SBF2: variants seen among roughly 807,000 people sequenced by gnomAD.
The protein encoded by SBF2 is myotubularin-related protein 13.
A neutral mutation model predicts 225.2 loss-of-function variants in SBF2; 112 were observed. The ratio of observed to expected loss-of-function variants is 0.50; its 90% CI spans 0.43 to 0.58. The LOEUF is 0.58. SBF2 is among the 20% of genes least tolerant of loss of function. The pLI is 0.00. For missense variants in SBF2, 1,996 were observed against 2,206.2 expected, an observed-to-expected ratio of 0.90 and a Z score of 1.91; for synonymous variants, 763 against 773.3, an observed-to-expected ratio of 0.99 and a Z score of 0.22.
chr11:9,930,904 C>T (rs1287443151), intron 16 of SBF2, among the ~76,000 whole-genome samples: 1 of 152,256 alleles, frequency 6.6e-6, no homozygotes, highest in Non-Finnish European at 1.5e-5. Flanking sequence ...CCAAATACTG[C>T]ACTTTTACCA....
chr11:9,967,810 G>A (rs1434188807), intron 14 of SBF2, among the ~76,000 whole-genome samples: 1 of 151,998 alleles, frequency 6.6e-6, no homozygotes, highest in Non-Finnish European at 1.5e-5. Flanking sequence ...AGCTACTCAG[G>A]AGGTTGAGGC....
At chr11:10,298,370 A>G (rs917860500), upstream of SBF2, among the ~76,000 whole-genome samples, 3 of 152,246 alleles carry the variant, frequency 2.0e-5, no homozygotes, top group Non-Finnish European at 2.9e-5. Flanking sequence ...CAGCCTGGGC[A>G]ACAAGAGTGA....
At chr11:9,857,834 AT>A (rs1185437746) in intron 18 of SBF2, among the ~76,000 whole-genome samples, 9 of 152,198 alleles carry the variant, frequency 5.9e-5, no homozygotes, top group African/African-American at 2.2e-4. Flanking sequence ...TATTACTGGC[AT>A]TTTTTTAATA....
At chr11:9,848,979 G>A (rs1233697888) in intron 22 of SBF2, among the ~76,000 whole-genome samples, 1 of 152,186 alleles carries the variant, frequency 6.6e-6, no homozygotes, top group Non-Finnish European at 1.5e-5. Context: ...TCCAACCAAT[G>A]AGTAGCACAT....
intron 2 of SBF2, among the ~76,000 whole-genome samples, chr11:10,135,564 A>G (rs115078489): frequency 0.074 from 11,326 of 152,196 alleles, 615 homozygotes; most frequent in East Asian, 0.28. Flanking sequence ...CTGCTTATAA[A>G]TTTCTTCTCC....
chr11:9,972,315 T>C (rs888415390), intron 13 of SBF2, among the ~76,000 whole-genome samples: 2 of 152,160 alleles, frequency 1.3e-5, no homozygotes, highest in African/African-American at 4.8e-5. Context: ...TCCAAAAATT[T>C]TGGCTACATT....
intron 26 of SBF2, chr11:9,838,550 A>C (rs1035590556): frequency 1.3e-5 from 2 of 152,220 alleles, no homozygotes; most frequent in Non-Finnish European, 2.9e-5. Flanking sequence ...TTATTTGGCC[A>C]CAATCTCAAA....
chr11:10,038,267 A>T (rs563949359), intron 3 of SBF2, among the ~76,000 whole-genome samples: 1 of 152,122 alleles, frequency 6.6e-6, no homozygotes, highest in South Asian at 2.1e-4. Flanking sequence ...TCATCTGTAA[A>T]ATGGAAATGT....
At chr11:10,056,655 A>G (rs1208199190) in intron 2 of SBF2, among the ~76,000 whole-genome samples, 1 of 152,226 alleles carries the variant, frequency 6.6e-6, no homozygotes, top group Non-Finnish European at 1.5e-5. Context: ...AAAAGTGGCC[A>G]CACTGCTGCT....
intron 21 of SBF2, among the ~76,000 whole-genome samples, chr11:9,851,351 A>G (rs1856939425): frequency 6.6e-6 from 1 of 152,160 alleles, no homozygotes; most frequent in Non-Finnish European, 1.5e-5. Flanking sequence ...ACTTTCTACA[A>G]TGTGTATTTC....
intron 17 of SBF2, among the ~76,000 whole-genome samples, chr11:9,892,119 T>C (rs1465693562): frequency 1.3e-5 from 2 of 152,130 alleles, no homozygotes; most frequent in African/African-American, 4.8e-5. Flanking sequence ...TAAAAAAAAT[T>C]ATTTTTATTT....
intron 3 of SBF2, among the ~76,000 whole-genome samples, chr11:10,038,021 C>T (rs1949511620): frequency 6.6e-6 from 1 of 151,930 alleles, no homozygotes; most frequent in African/African-American, 2.4e-5. Context: ...TACACACATT[C>T]CATTGATTTA....
At chr11:9,897,305 T>C (rs1315494411) in intron 16 of SBF2, among the ~76,000 whole-genome samples, 3 of 152,106 alleles carry the variant, frequency 2.0e-5, no homozygotes, top group Non-Finnish European at 1.5e-5. Context: ...TGGTGTGATC[T>C]CAGCTCACGG....
chr11:10,074,140 G>A (rs7114303), intron 2 of SBF2, among the ~76,000 whole-genome samples: 1 of 151,952 alleles, frequency 6.6e-6, no homozygotes, highest in South Asian at 2.1e-4. Context: ...AGGTATAATA[G>A]AGCGGGAAAG....
chr11:9,927,642 A>C (rs1436327204), intron 16 of SBF2, among the ~76,000 whole-genome samples: 1 of 152,196 alleles, frequency 6.6e-6, no homozygotes, highest in Non-Finnish European at 1.5e-5. Flanking sequence ...CAAATCAACC[A>C]ATGTAATTCA....
At chr11:9,958,757 G>T in intron 16 of SBF2, 1 of 454,842 alleles carries the variant, frequency 2.2e-6, no homozygotes, top group East Asian at 5.2e-5. Flanking sequence ...TGTACTGGAA[G>T]GGCTCAACTC....
At chr11:9,953,202 T>C (rs952836986) in intron 16 of SBF2, among the ~76,000 whole-genome samples, 1 of 152,114 alleles carries the variant, frequency 6.6e-6, no homozygotes, top group Non-Finnish European at 1.5e-5. Flanking sequence ...TCCCAGCACT[T>C]TGGGAGGCTG....
At chr11:9,950,721 G>A (rs532966436) in intron 16 of SBF2, among the ~76,000 whole-genome samples, 5 of 152,270 alleles carry the variant, frequency 3.3e-5, no homozygotes, top group African/African-American at 9.6e-5. Context: ...AAGACATAAA[G>A]GTGAATAGAG....
chr11:9,875,079 T>C (rs186113279), intron 17 of SBF2, among the ~76,000 whole-genome samples: 114 of 152,312 alleles, frequency 7.5e-4, no homozygotes, highest in African/African-American at 2.4e-3. Flanking sequence ...GCCTCTAGAA[T>C]GAGAGACAAG....
Sources: allele counts gnomAD v4.1 joint callset (sites outside exome capture counted in the v4.1 genomes callset), GRCh38; gene constraint gnomAD v4.1.1; transcripts MANE v1.5; gene names NCBI Gene and HGNC (gene_info 2026-07-23, HGNC 2026-07-21).